Variants in SDHA observed in about 807,000 individuals in gnomAD.
SDHA encodes the protein succinate dehydrogenase complex flavoprotein subunit A, also known as succinate dehydrogenase [ubiquinone] flavoprotein subunit, mitochondrial.
A neutral mutation model predicts 78.4 loss-of-function variants in SDHA; 48 were observed. The ratio of observed to expected loss-of-function variants is 0.61; its 90% confidence interval spans 0.49 to 0.78. The LOEUF (loss-of-function observed/expected upper bound fraction) is 0.78. Among genes scored for constraint, SDHA ranks in the 30% least tolerant of loss-of-function variants. The pLI is 0.00. For missense variants in SDHA, 680 were observed against 892.7 expected (o/e 0.76, Z 3.04); for synonymous variants, 326 against 353.9 (o/e 0.92, Z 0.88).
At position 236,570 on chromosome 5, in the gene SDHA, C is replaced by T. The variant is rs1057524636; in HGVS notation, c.1403C>T (p.Ala468Val). The change falls in exon 10 of 15, where the codon GCC (alanine) becomes GTC (valine). Residue 468 changes from alanine (A) to valine (V), a missense_variant. Transcript: ENST00000264932. ...LDLVVFGRAC[A>V]LSIEESCRPG... is the part of the protein sequence containing the mutation. Reference sequence around the variant, plus strand: ...CTGGTTGTCTTTGGTCGGGCATGTGCCCTGAGCATCGAAGAGTCATGCAGG... The same window carrying T: ...CTGGTTGTCTTTGGTCGGGCATGTGTCCTGAGCATCGAAGAGTCATGCAGG... 1.2e-6 allele frequency: 2 copies of T among 1,614,016 alleles called. No individual in the cohort carries two copies. Among genetic ancestry groups the T allele is most frequent in the East Asian group, 4.5e-5 (2 of 44,872 alleles).
chr5:219,729 A>G (rs1336236451), intron 1 of SDHA, among the ~76,000 whole-genome samples: 1 of 152,136 alleles, frequency 6.6e-6, no homozygotes, highest in African/African-American at 2.4e-5. Context: ...TTTTAGGGGA[A>G]ATGGTAGCTT....
chr5:231,205 C>A (rs112051352), intron 7 of SDHA, among the ~76,000 whole-genome samples: 1 of 152,210 alleles, frequency 6.6e-6, no homozygotes, highest in African/African-American at 2.4e-5. Flanking sequence ...TTTGGGCCAC[C>A]GTCTTATGTA....
At chr5:268,252 G>A in the SDHA span, among the ~76,000 whole-genome samples, 5 of 151,036 alleles carry the variant, frequency 3.3e-5, no homozygotes, top group Non-Finnish European at 7.4e-5. Context: ...GTGCAATCTC[G>A]GCTCACTGCA....
intron 11 of SDHA, chr5:250,366 T>C (rs908524275): frequency 6.3e-6 from 1 of 158,152 alleles, no homozygotes; most frequent in African/African-American, 2.4e-5. Context: ...GTTCCCAGCA[T>C]ACCTACAGTA....
chr5:267,769 A>G, the SDHA span, among the ~76,000 whole-genome samples: 1 of 152,226 alleles, frequency 6.6e-6, no homozygotes, highest in Non-Finnish European at 1.5e-5. Context: ...AGAGCTTAGA[A>G]CAGACCTGGC....
Position 233,623 on chromosome 5 carries a change from A to T in SDHA, c.1042A>T (p.Thr348Ser), listed in dbSNP as rs371484111. 2.5e-6 allele frequency: 4 copies of T among 1,613,892 alleles called. No homozygotes were observed. The highest frequency in any genetic ancestry group is 3.4e-6 in the Non-Finnish European group (4 of 1,179,906). Reference sequence around the variant, plus strand: ...TAGAGATGTGGTGTCTCGGTCCATGACTCTGGAGATCCGAGAAGGAAGGTG... The same window carrying T: ...TAGAGATGTGGTGTCTCGGTCCATGTCTCTGGAGATCCGAGAAGGAAGGTG... ...ASRDVVSRSM[T>S]LEIREGRGCG... The change falls in exon 8 of 15, where the codon ACT becomes TCT. Residue 348 changes from threonine (T) to serine (S), a missense_variant. Transcript: ENST00000264932.
At chr5:226,180 G>A in intron 5 of SDHA, 133 bp downstream of exon 5, 1 of 983,066 alleles carries the variant, frequency 1.0e-6, no homozygotes, top group South Asian at 1.4e-5. Flanking sequence ...GCAGCGTGGG[G>A]CGCATGCAGC....
Position 236,412 on chromosome 5 carries a change from A to T in SDHA, c.1261-16A>T, listed in dbSNP as rs1170006255. ...TGGGCACCTTGACATTTCACCTGAA[A>T]TCTTCCTTTCCACAGGTCCTGAGGC... is the stretch of plus-strand genomic sequence containing the variant. On this transcript the variant is annotated splice_polypyrimidine_tract_variant and intron_variant, in intron 9 of 14. Coordinates refer to ENST00000264932, the MANE Select transcript of SDHA (RefSeq NM_004168.4). 6 of 1,612,834 alleles carry T rather than the reference A, an allele frequency of 3.7e-6. No individual in the cohort carries two copies. The highest frequency in any genetic ancestry group is 5.1e-6 in the Non-Finnish European group (6 of 1,179,164).
At chr5:241,553 G>C (rs1187228371) in intron 11 of SDHA, among the ~76,000 whole-genome samples, 1 of 152,216 alleles carries the variant, frequency 6.6e-6, no homozygotes, top group African/African-American at 2.4e-5. Context: ...CAGTATGGCA[G>C]CCATTAGCCA....
chr5:245,032 A>G (rs562200763), intron 11 of SDHA, among the ~76,000 whole-genome samples: 2 of 152,366 alleles, frequency 1.3e-5, no homozygotes, highest in African/African-American at 4.8e-5. Flanking sequence ...TCCAGAACCT[A>G]TACCTTTAAA....
Position 233,762 on chromosome 5 carries a change from T to G in SDHA, c.1064+117T>G, listed in dbSNP as rs1000084393. On this transcript the variant is annotated intron_variant, in intron 8 of 14. Coordinates refer to ENST00000264932, the MANE Select transcript of SDHA (RefSeq NM_004168.4). ...GTGCAGGCGCATGTGCACAGCCACCTCTCTTAGCTGCTGGCAGGCGTCTGT... is the reference window on the plus strand; with the variant it reads ...GTGCAGGCGCATGTGCACAGCCACCGCTCTTAGCTGCTGGCAGGCGTCTGT... The G allele has an allele frequency of 3.0e-6, 3 of 1,014,406 alleles. No homozygotes were observed. The African/African-American group carries it at 4.8e-5, about 16-fold the overall frequency. The allele number at this position is 1,014,406 out of a possible 1,614,324, so 62.8% of individuals were successfully genotyped here.
At chr5:262,371 C>A in the SDHA span, among the ~76,000 whole-genome samples, 76 of 92,952 alleles carry the variant, frequency 8.2e-4, 13 homozygotes, top group African/African-American at 4.7e-3. Flanking sequence ...ACCGTGTGAG[C>A]TCCGCCTCCT....
intron 11 of SDHA, among the ~76,000 whole-genome samples, chr5:244,338 G>T (rs1736319872): frequency 6.6e-6 from 1 of 151,968 alleles, no homozygotes; most frequent in African/African-American, 2.4e-5. Flanking sequence ...GTTTAAAAGG[G>T]TACAAATACA....
intron 9 of SDHA, chr5:235,778 G>T (rs1444572615): frequency 3.2e-6 from 1 of 308,300 alleles, no homozygotes; most frequent in African/African-American, 2.2e-5. Context: ...TGGAACATCA[G>T]TCTCCCCTGC....
chr5:220,187 A>G (rs1480270859), intron 1 of SDHA: 1 of 373,308 alleles, frequency 2.7e-6, no homozygotes, highest in Non-Finnish European at 5.5e-6. Context: ...AACTGCTTTC[A>G]AGTGACGAAC....
Position 224,525 on chromosome 5 carries a change from A to G in SDHA, c.312+4A>G, listed in dbSNP as rs747036101. 1.2e-6 allele frequency: 2 copies of G among 1,611,914 alleles called. No individual in the cohort carries two copies. Among genetic ancestry groups the G allele is most frequent in the Non-Finnish European group, 1.7e-6 (2 of 1,179,610 alleles). ...GTCACACACTGTTGCAGCACAGGTAAGAGAAAGGTGCCCCACTGTGCTCCC... is the reference window on the plus strand; with the variant it reads ...GTCACACACTGTTGCAGCACAGGTAGGAGAAAGGTGCCCCACTGTGCTCCC... On this transcript the variant is annotated splice_donor_region_variant and intron_variant, in intron 3 of 14. Transcript: ENST00000264932.
chr5:258,801 C>T (rs1403901013), downstream of SDHA, among the ~76,000 whole-genome samples: 14 of 77,774 alleles, frequency 1.8e-4, no homozygotes, highest in Admixed American at 3.9e-4. Context: ...CTCCGCCTCC[C>T]GTCACAGCAT....
chr5:240,796 C>T (rs551017870), intron 11 of SDHA, among the ~76,000 whole-genome samples: 1 of 152,296 alleles, frequency 6.6e-6, no homozygotes, highest in Admixed American at 6.5e-5. Context: ...TTCTGAGTCA[C>T]TTCACTTAGG....
intron 2 of SDHA, 117 bp from the exon 3 acceptor site, chr5:224,243 G>A (rs1734877160): frequency 1.0e-5 from 11 of 1,074,510 alleles, no homozygotes; most frequent in Non-Finnish European, 1.4e-6. Flanking sequence ...CAGGATGGAG[G>A]CCCTGTGTGC....
Sources: gnomAD v4.1 joint callset for allele counts (sites outside exome capture counted in the v4.1 genomes callset) on GRCh38, gnomAD v4.1.1 for gene constraint, MANE v1.5 for transcripts, NCBI Gene and HGNC (gene_info 2026-07-23, HGNC 2026-07-21) for gene names.